FSHR: variants seen among roughly 807,000 people sequenced by gnomAD.
FSHR encodes the protein follicle stimulating hormone receptor.
A neutral mutation model predicts 52.1 loss-of-function variants in FSHR; 46 were observed. The observed-to-expected ratio is 0.88, with a 90% CI of 0.70 to 1.13. The LOEUF (loss-of-function observed/expected upper bound fraction) is 1.13, where lower values mean the gene tolerates loss of function less well. FSHR is among the 50% of genes most tolerant of loss of function. The pLI, the probability that FSHR is intolerant of heterozygous loss-of-function variation, is 0.00. For missense variants in FSHR, 964 were observed against 834.6 expected (o/e 1.16, Z -1.91); for synonymous variants, 399 against 309.6 (o/e 1.29, Z -3.03).
chr2:48,964,851 A>G (rs1674396794), intron 9 of FSHR, among the ~76,000 whole-genome samples: 1 of 152,174 alleles, frequency 6.6e-6, no homozygotes, highest in Non-Finnish European at 1.5e-5. Flanking sequence ...TAAATATTCA[A>G]TCCACGAGTA....
At chr2:49,089,969 G>A (rs1670539942) in intron 1 of FSHR, among the ~76,000 whole-genome samples, 1 of 152,120 alleles carries the variant, frequency 6.6e-6, no homozygotes, top group South Asian at 2.1e-4. Context: ...GTGGCTAAAA[G>A]GCAAAAAGAC....
In FSHR at chr2:48,962,617, C is replaced by A; in HGVS notation, c.*116G>T. On this transcript the variant is annotated 3_prime_UTR_variant, in exon 10 of 10. Coordinates refer to ENST00000406846, the MANE Select transcript of FSHR (RefSeq NM_000145.4). ...CTGACCAATTTACCTTAAAGGTATGCCAGGAATATTAAATTAGATGAAATG... is the reference window on the plus strand; with the variant it reads ...CTGACCAATTTACCTTAAAGGTATGACAGGAATATTAAATTAGATGAAATG... 1.9e-6 allele frequency: 2 copies of A among 1,064,820 alleles called. No homozygotes were observed. Among genetic ancestry groups the A allele is most frequent in the Admixed American group, 1.9e-5 (1 of 53,214 alleles). 66.0% of individuals were successfully genotyped at this position (1,064,820 alleles called of 1,614,324 possible). A position where few individuals can be genotyped will look rare whatever the true frequency, so the allele number is the denominator to read the frequency against.
At chr2:49,010,499 TG>T (rs1315605045) in intron 4 of FSHR, among the ~76,000 whole-genome samples, 2 of 152,146 alleles carry the variant, frequency 1.3e-5, no homozygotes, top group Non-Finnish European at 2.9e-5. Flanking sequence ...CTTTTTTTGT[TG>T]TGTCTCTGCC....
intron 4 of FSHR, among the ~76,000 whole-genome samples, chr2:49,011,324 T>C (rs999456703): frequency 3.3e-5 from 5 of 152,082 alleles, no homozygotes; most frequent in African/African-American, 1.2e-4. Context: ...TCAGTTTCCA[T>C]GTAGTTGAGT....
intron 1 of FSHR, among the ~76,000 whole-genome samples, chr2:49,119,546 C>A (rs964143529): frequency 6.6e-6 from 1 of 152,008 alleles, no homozygotes; most frequent in Non-Finnish European, 1.5e-5. Context: ...TGCAATGGCG[C>A]ATTTTAGATC....
At chr2:49,121,807 TC>T (rs1392661123) in intron 1 of FSHR, among the ~76,000 whole-genome samples, 1 of 150,828 alleles carries the variant, frequency 6.6e-6, no homozygotes, top group Non-Finnish European at 1.5e-5. Context: ...TTTTTTTTTT[TC>T]CTTAAGAAAA....
chr2:49,059,490 C>A (rs572260846), intron 2 of FSHR: 1 of 152,184 alleles, frequency 6.6e-6, no homozygotes, highest in South Asian at 2.1e-4. Flanking sequence ...CTATAGCCAA[C>A]TGATTTTTGA....
chr2:49,128,708 A>C (rs888061039), intron 1 of FSHR, among the ~76,000 whole-genome samples: 3 of 151,984 alleles, frequency 2.0e-5, no homozygotes, highest in African/African-American at 7.2e-5. Context: ...AATGAAGTTC[A>C]ATATGTGGGA....
intron 4 of FSHR, chr2:49,014,955 G>T (rs1667426141): frequency 2.1e-6 from 1 of 466,290 alleles, no homozygotes; most frequent in Non-Finnish European, 4.4e-6. Context: ...GATCTGGAAG[G>T]GAGAGATAGA....
intron 1 of FSHR, among the ~76,000 whole-genome samples, chr2:49,128,329 T>C (rs1672141067): frequency 6.6e-6 from 1 of 152,132 alleles, no homozygotes; most frequent in Admixed American, 6.5e-5. Flanking sequence ...ATTATAAGCA[T>C]TTATAACTGA....
chr2:49,079,129 C>T (rs12622916), intron 1 of FSHR, among the ~76,000 whole-genome samples: 26,365 of 151,740 alleles, frequency 0.17, 2,243 homozygotes, highest in East Asian at 0.25. Context: ...ATATCAATTA[C>T]AGTGACCACA....
In FSHR at chr2:48,968,728, C is replaced by T; in HGVS notation, c.824G>A (p.Cys275Tyr). 6.2e-7 allele frequency: 1 copy of T among 1,614,128 alleles called. No individual in the cohort carries two copies. The highest frequency in any genetic ancestry group is 1.3e-5 in the African/African-American group (1 of 75,042). ...CCGTCTCCAGTTTGCAAAGGCACAG[C>T]AATGGCTGGGATAGGTGAGGCTGGC... The part of the protein sequence containing the change: ...MEASLTYPSH[C>Y]CAFANWRRQI... Residue 275 changes from cysteine to tyrosine, a missense_variant, in exon 9 of 10, where the codon TGC becomes TAC. Coordinates refer to ENST00000406846, the MANE Select transcript of FSHR (RefSeq NM_000145.4).
intron 1 of FSHR, among the ~76,000 whole-genome samples, chr2:49,077,201 T>C (rs1474127312): frequency 6.6e-6 from 1 of 152,242 alleles, no homozygotes; most frequent in Non-Finnish European, 1.5e-5. Flanking sequence ...GGTGTTTCCA[T>C]ACATCTTCTG....
At chr2:48,969,817 A>T (rs1479277522) in intron 8 of FSHR, among the ~76,000 whole-genome samples, 1 of 152,194 alleles carries the variant, frequency 6.6e-6, no homozygotes, top group Non-Finnish European at 1.5e-5. Flanking sequence ...AGCACCAGTG[A>T]TGTGGGCGCT....
chr2:49,060,516 A>C (rs1247501922), intron 2 of FSHR, among the ~76,000 whole-genome samples: 1 of 152,120 alleles, frequency 6.6e-6, no homozygotes, highest in East Asian at 1.9e-4. Context: ...GACACTCTGC[A>C]TTCCAGGGAA....
At chr2:49,024,028 C>G (rs1667832673) in intron 2 of FSHR, among the ~76,000 whole-genome samples, 1 of 152,118 alleles carries the variant, frequency 6.6e-6, no homozygotes, top group Admixed American at 6.5e-5. Context: ...AAATTTCAAC[C>G]TCTTACAGAG....
chr2:49,104,831 C>A (rs971360583), intron 1 of FSHR, among the ~76,000 whole-genome samples: 2 of 141,446 alleles, frequency 1.4e-5, no homozygotes, highest in African/African-American at 5.1e-5. Flanking sequence ...CCAGTGCCCC[C>A]TCTTGGTATG....
intron 2 of FSHR, among the ~76,000 whole-genome samples, chr2:49,051,985 T>C (rs562540246): frequency 6.6e-6 from 1 of 152,254 alleles, no homozygotes; most frequent in East Asian, 1.9e-4. Context: ...ACAAACACTT[T>C]TGGGATATAG....
chr2:49,111,821 A>G (rs974002033), intron 1 of FSHR, among the ~76,000 whole-genome samples: 1 of 152,194 alleles, frequency 6.6e-6, no homozygotes, highest in Admixed American at 6.5e-5. Flanking sequence ...TGCTTCTGCA[A>G]TGTATCTTTA....
Sources: gnomAD v4.1 joint callset for allele counts (sites outside exome capture counted in the v4.1 genomes callset) on GRCh38, gnomAD v4.1.1 for gene constraint, MANE v1.5 for transcripts, NCBI Gene and HGNC (gene_info 2026-07-23, HGNC 2026-07-21) for gene names.